The following CCDC192 variants were observed in gnomAD, a reference collection of about 807,000 sequenced individuals.
The protein encoded by CCDC192 is coiled-coil domain containing 192.
rs201123343 is a variant in CCDC192 at position 127,837,184 on chromosome 5, CAT to C, written c.412-38352_412-38351del. ...CCTCTACATTTTTGGGTATCTTTAT[CAT>C]AGTACACTACTCTCTGAGATACCAA... On this transcript the variant is annotated intron_variant, in intron 5 of 6. Transcript: ENST00000514853. 3.0e-3 allele frequency among the ~76,000 whole-genome samples: 245 copies of C among 81,262 alleles called. 92 individuals are homozygous for C. The highest frequency in any genetic ancestry group is 0.017 in the East Asian group (53 of 3,166). The allele number at this position is 81,262 out of a possible 152,430, so 53.3% of individuals were successfully genotyped here. A position where few individuals can be genotyped will look rare whatever the true frequency, so the allele number is the denominator to read the frequency against.
rs140422418 is a variant in CCDC192, at chr5:127,711,762, A to C, written c.114+4002A>C. The stretch of plus-strand genomic sequence containing the variant: ...AGATGAGAACAATATAAAATTGTAT[A>C]TGTATCTATATTTAAATAAAGATTT... On this transcript the variant is annotated intron_variant, in intron 2 of 6. Coordinates refer to ENST00000514853, the MANE Select transcript of CCDC192 (RefSeq NM_001317938.2). Among the ~76,000 whole-genome samples the C allele has an allele frequency of 1.3e-4, 20 of 152,310 alleles. No individual in the cohort carries two copies. The East Asian group carries it at 3.9e-3, about 29-fold the overall frequency.
intron 3 of CCDC192, among the ~76,000 whole-genome samples, chr5:127,780,187 C>T (rs1291089689): frequency 6.6e-6 from 1 of 151,618 alleles, no homozygotes; most frequent in Non-Finnish European, 1.5e-5. Context: ...ATATATATAT[C>T]ACAGTTTCTT....
At chr5:127,719,465 A>G (rs1181100530) in intron 2 of CCDC192, among the ~76,000 whole-genome samples, 1 of 90,326 alleles carries the variant, frequency 1.1e-5, no homozygotes, top group Non-Finnish European at 2.4e-5. Flanking sequence ...ACATATATAT[A>G]CAGACACATA....
chr5:127,855,671 A>G (rs1751034528), intron 5 of CCDC192, among the ~76,000 whole-genome samples: 1 of 152,250 alleles, frequency 6.6e-6, no homozygotes, highest in Admixed American at 6.5e-5. Context: ...TTTCTTAAAT[A>G]TTAAGACTTG....
chr5:127,931,597 TGCAGGTCA>T (rs1754030567), intron 6 of CCDC192, among the ~76,000 whole-genome samples: 1 of 152,190 alleles, frequency 6.6e-6, no homozygotes, highest in Non-Finnish European at 1.5e-5. Context: ...CCATAAATCT[TGCAGGTCA>T]GCAGAAATTC....
At chr5:127,853,850 C>A (rs1265967855) in intron 5 of CCDC192, among the ~76,000 whole-genome samples, 1 of 152,134 alleles carries the variant, frequency 6.6e-6, no homozygotes, top group African/African-American at 2.4e-5. Context: ...CAACCCTTCC[C>A]TCAGCCCCAT....
At chr5:127,884,204 G>A (rs547747000) in intron 6 of CCDC192, among the ~76,000 whole-genome samples, 6 of 151,672 alleles carry the variant, frequency 4.0e-5, no homozygotes, top group Admixed American at 6.6e-5. Context: ...TTAGCCAGGC[G>A]TGGTGGCGGG....
intron 5 of CCDC192, among the ~76,000 whole-genome samples, chr5:127,861,232 T>A (rs1342244981): frequency 2.6e-5 from 4 of 151,806 alleles, no homozygotes; most frequent in African/African-American, 9.7e-5. Context: ...GGTTTTGAAC[T>A]CCTGACCTCA....
intron 2 of CCDC192, among the ~76,000 whole-genome samples, chr5:127,752,776 G>A (rs1463118237): frequency 1.3e-5 from 2 of 152,212 alleles, no homozygotes; most frequent in Admixed American, 6.5e-5. Context: ...CTCCGTGGGC[G>A]TAGGACCCTC....
At chr5:127,823,339 C>G (rs1749383000) in intron 5 of CCDC192, among the ~76,000 whole-genome samples, 3 of 152,168 alleles carry the variant, frequency 2.0e-5, no homozygotes, top group Admixed American at 2.0e-4. Context: ...CAGAGAGAAT[C>G]CCTCTGCTTT....
intron 5 of CCDC192, among the ~76,000 whole-genome samples, chr5:127,835,053 G>T (rs1749972934): frequency 6.6e-6 from 1 of 152,058 alleles, no homozygotes; most frequent in South Asian, 2.1e-4. Context: ...CTTGAGAAAA[G>T]AAATAAAAGT....
chr5:127,786,757 T>C, intron 3 of CCDC192: 1 of 675,186 alleles, frequency 1.5e-6, no homozygotes. Flanking sequence ...GTCAAGTAAT[T>C]ATTCAAAAAT....
intron 6 of CCDC192, among the ~76,000 whole-genome samples, chr5:127,889,146 G>T (rs907525658): frequency 1.3e-5 from 2 of 152,148 alleles, no homozygotes; most frequent in Admixed American, 1.3e-4. Flanking sequence ...AAACTGGTTT[G>T]AGGTTTTCTT....
intron 6 of CCDC192, among the ~76,000 whole-genome samples, chr5:127,915,195 G>A (rs984875709): frequency 2.6e-5 from 4 of 151,744 alleles, no homozygotes; most frequent in African/African-American, 9.7e-5. Flanking sequence ...AGTCTACCAA[G>A]TGTGCAAAAA....
intron 2 of CCDC192, among the ~76,000 whole-genome samples, chr5:127,727,936 T>C (rs549865946): frequency 2.0e-5 from 3 of 151,718 alleles, no homozygotes; most frequent in African/African-American, 7.3e-5. Flanking sequence ...GTAGAGAAAA[T>C]AATTTCAGAG....
chr5:127,855,743 G>A (rs1272874674), intron 5 of CCDC192, among the ~76,000 whole-genome samples: 1 of 152,178 alleles, frequency 6.6e-6, no homozygotes, highest in South Asian at 2.1e-4. Flanking sequence ...GTAGGCATGA[G>A]AACAACATTA....
chr5:127,737,443 G>C (rs1449826182), intron 2 of CCDC192, among the ~76,000 whole-genome samples: 2 of 151,792 alleles, frequency 1.3e-5, no homozygotes, highest in Non-Finnish European at 2.9e-5. Flanking sequence ...ATGTCTATTA[G>C]GTCCGCTTGG....
chr5:127,704,077 T>C lies in CCDC192; in HGVS notation c.62+570T>C, dbSNP rs201633168. Among the ~76,000 whole-genome samples, 9 of 152,264 alleles carry C rather than the reference T, an allele frequency of 5.9e-5. No individual in the cohort carries two copies. The East Asian group carries it at 1.3e-3, about 23-fold the overall frequency. On this transcript the variant is annotated intron_variant, in intron 1 of 6. Transcript: ENST00000514853. ...AATATCTTCCATTTACAATTTTCTT[T>C]TAAATCTTGAGTGAGAGGTGGCCAC...
chr5:127,814,742 A>C (rs1031856198), intron 5 of CCDC192, among the ~76,000 whole-genome samples: 11 of 152,134 alleles, frequency 7.2e-5, no homozygotes, highest in African/African-American at 2.4e-4. Context: ...CTTTCCAGCA[A>C]AGCAATCCCT....
Sources: gnomAD v4.1 joint callset for allele counts (sites outside exome capture counted in the v4.1 genomes callset) on GRCh38, gnomAD v4.1.1 for gene constraint, MANE v1.5 for transcripts, NCBI Gene and HGNC (gene_info 2026-07-23, HGNC 2026-07-21) for gene names.